Variants in RBFOX1 observed in about 807,000 individuals in gnomAD.
The protein encoded by RBFOX1 is RNA binding protein fox-1 homolog 1.
In RBFOX1, 8 loss-of-function variants were observed where a neutral mutation model predicts 57.7. That is an observed-to-expected ratio of 0.14 (90% CI 0.08 to 0.25). The LOEUF is 0.25. Ranked by LOEUF, RBFOX1 falls within the 10% of genes least tolerant of loss-of-function variation. RBFOX1 has a pLI of 1.00. For synonymous variants in RBFOX1, 326 were observed against 222.4 expected (o/e 1.47, Z -4.15); for missense variants, 611 against 548.5 (o/e 1.11, Z -1.14).
At chr16:6,196,834 T>G (rs1383697530) in intron 1 of RBFOX1, among the ~76,000 whole-genome samples, 1 of 151,954 alleles carries the variant, frequency 6.6e-6, no homozygotes, top group South Asian at 2.1e-4. Flanking sequence ...TATGGAGACA[T>G]TGATTTCCTA....
intron 1 of RBFOX1, among the ~76,000 whole-genome samples, chr16:6,232,639 AG>A (rs1303513822): frequency 1.3e-5 from 2 of 152,202 alleles, no homozygotes; most frequent in African/African-American, 4.8e-5. Flanking sequence ...TTTAGAAACT[AG>A]GAACAGAGGA....
intron 4 of RBFOX1, among the ~76,000 whole-genome samples, chr16:7,178,038 C>T (rs2082009345): frequency 1.3e-5 from 2 of 152,326 alleles, no homozygotes; most frequent in East Asian, 1.9e-4. Flanking sequence ...CAGCCATGTA[C>T]ACTTGTACTG....
intron 14 of RBFOX1, among the ~76,000 whole-genome samples, chr16:7,702,401 C>G (rs569808576): frequency 7.9e-5 from 12 of 152,276 alleles, no homozygotes; most frequent in African/African-American, 2.9e-4. Context: ...GCAGAATTGC[C>G]AAGAGATTTG....
intron 1 of RBFOX1, chr16:5,365,892 G>T (rs1452342070): frequency 4.0e-6 from 2 of 503,710 alleles, no homozygotes; most frequent in Admixed American, 4.1e-5. Flanking sequence ...TCACTTCAAG[G>T]TGGATAATGA....
chr16:6,609,920 C>G (rs187037438), intron 2 of RBFOX1, among the ~76,000 whole-genome samples: 1 of 151,908 alleles, frequency 6.6e-6, no homozygotes, highest in Non-Finnish European at 1.5e-5. Flanking sequence ...AGGCACGAGA[C>G]TTGCTTGAAC....
chr16:7,604,855 G>A (rs1042710806), intron 9 of RBFOX1, among the ~76,000 whole-genome samples: 5 of 152,160 alleles, frequency 3.3e-5, no homozygotes, highest in Admixed American at 2.0e-4. Flanking sequence ...AGGTAGTAAG[G>A]ATATTCAAGA....
intron 2 of RBFOX1, among the ~76,000 whole-genome samples, chr16:6,571,538 G>A (rs997707792): frequency 1.6e-4 from 24 of 152,048 alleles, no homozygotes; most frequent in African/African-American, 5.6e-4. Flanking sequence ...GTGTGCTGGG[G>A]TAGTCGGGGA....
chr16:6,296,622 G>C (rs545042690), intron 1 of RBFOX1, among the ~76,000 whole-genome samples: 1 of 152,084 alleles, frequency 6.6e-6, no homozygotes, highest in African/African-American at 2.4e-5. Flanking sequence ...CGGTTTCACC[G>C]TGTTAGCTGG....
At chr16:5,422,886 G>T (rs1303184582) in intron 1 of RBFOX1, among the ~76,000 whole-genome samples, 1 of 128,968 alleles carries the variant, frequency 7.8e-6, no homozygotes, top group Non-Finnish European at 1.6e-5. Flanking sequence ...AGTAGGGAGT[G>T]GGAGGAGGAA....
chr16:5,927,624 A>G lies in RBFOX1; in HGVS notation c.351+60289A>G, dbSNP rs555393040. 4.6e-5 allele frequency among the ~76,000 whole-genome samples: 7 copies of G among 152,368 alleles called. No homozygotes were observed. In the South Asian group the frequency reaches 8.3e-4, roughly 18 times the overall value. On this transcript the variant is annotated intron_variant, in intron 4 of 19. Coordinates refer to the RBFOX1 transcript ENST00000641259. ...TATATCCAAAGGGAATGAAATCTGTATATCGAAGAGATATCTGCAGTCTCA... is the reference window on the plus strand; with the variant it reads ...TATATCCAAAGGGAATGAAATCTGTGTATCGAAGAGATATCTGCAGTCTCA...
chr16:7,534,086 C>CTT (rs529708813), intron 5 of RBFOX1, among the ~76,000 whole-genome samples: 60,188 of 129,614 alleles, frequency 0.46, 17,336 homozygotes, highest in Non-Finnish European at 0.64. Flanking sequence ...CGTTTTTTTT[C>CTT]TTTTTTTTTT....
At chr16:6,669,413 T>C (rs550641473) in intron 3 of RBFOX1, among the ~76,000 whole-genome samples, 1 of 152,340 alleles carries the variant, frequency 6.6e-6, no homozygotes, top group East Asian at 1.9e-4. Context: ...CTTTTTACTG[T>C]GGCCATCTTA....
At chr16:5,282,158 T>C (rs2151150407) in intron 1 of RBFOX1, among the ~76,000 whole-genome samples, 1 of 152,350 alleles carries the variant, frequency 6.6e-6, no homozygotes, top group Non-Finnish European at 1.5e-5. Context: ...GGAGTTTCCC[T>C]GCTCAAGCTC....
chr16:5,749,700 A>G (rs984467123), intron 3 of RBFOX1, among the ~76,000 whole-genome samples: 4 of 152,168 alleles, frequency 2.6e-5, no homozygotes, highest in Non-Finnish European at 5.9e-5. Flanking sequence ...TTCTTGTGCC[A>G]TGGTTTTCAG....
chr16:6,602,098 A>G (rs1283886566), intron 2 of RBFOX1, among the ~76,000 whole-genome samples: 2 of 152,062 alleles, frequency 1.3e-5, no homozygotes, highest in Non-Finnish European at 2.9e-5. Flanking sequence ...TAAGTTGTTT[A>G]TTGGCCATTT....
rs1054562821 is a variant in RBFOX1, at chr16:7,120,238, C to T, written c.27+68140C>T. Among the ~76,000 whole-genome samples the T allele has an allele frequency of 1.3e-4, 20 of 151,836 alleles. 1 individual carries two copies. Among genetic ancestry groups the T allele is most frequent in the African/African-American group, 4.3e-4 (18 of 41,426 alleles). On this transcript the variant is annotated intron_variant, in intron 4 of 15. Transcript: ENST00000550418. The stretch of plus-strand genomic sequence containing the variant: ...AAGTGCTTCTATTAGAGAATAAGAA[C>T]GTTCTCAAATCAACAATGTAAGTGC...
intron 1 of RBFOX1, among the ~76,000 whole-genome samples, chr16:5,450,955 G>T (rs549429186): frequency 6.6e-6 from 1 of 152,304 alleles, no homozygotes; most frequent in East Asian, 1.9e-4. Flanking sequence ...GTTCTCATCT[G>T]GAAAATGGGG....
chr16:7,400,643 C>T (rs577179165), intron 4 of RBFOX1, among the ~76,000 whole-genome samples: 1 of 152,284 alleles, frequency 6.6e-6, no homozygotes, highest in East Asian at 1.9e-4. Context: ...TTTGAGTCTG[C>T]TCATTCTTCA....
chr16:5,729,567 G>C (rs573011652), intron 3 of RBFOX1, among the ~76,000 whole-genome samples: 218 of 151,972 alleles, frequency 1.4e-3, no homozygotes, highest in Non-Finnish European at 2.2e-3. Flanking sequence ...AAGAAGCTAT[G>C]TTAATTATAT....
Sources: allele counts gnomAD v4.1 joint callset (sites outside exome capture counted in the v4.1 genomes callset), GRCh38; gene constraint gnomAD v4.1.1; transcripts MANE v1.5; gene names NCBI Gene and HGNC (gene_info 2026-07-23, HGNC 2026-07-21).